The following CTBP2 variants were observed in gnomAD, a reference collection of about 807,000 sequenced individuals.
The protein encoded by CTBP2 is C-terminal binding protein 2.
A neutral mutation model predicts 80.3 loss-of-function variants in CTBP2; 30 were observed. That is an observed-to-expected ratio of 0.37 (90% CI 0.28 to 0.51). The LOEUF (loss-of-function observed/expected upper bound fraction) is 0.51, where lower values mean the gene tolerates loss of function less well. CTBP2 is among the 20% of genes least tolerant of loss of function. The pLI is 0.93. For synonymous variants in CTBP2, 594 were observed against 587.4 expected (o/e 1.01, Z -0.16); for missense variants, 1,212 against 1,375.3 (o/e 0.88, Z 1.88).
chr10:125,012,382 T>C (rs1956033042), intron 1 of CTBP2, among the ~76,000 whole-genome samples: 1 of 152,176 alleles, frequency 6.6e-6, no homozygotes, highest in Non-Finnish European at 1.5e-5. Context: ...CAGGATCTCA[T>C]GCACAGGATA....
intron 2 of CTBP2, among the ~76,000 whole-genome samples, chr10:125,067,434 T>C (rs1234969559): frequency 6.6e-6 from 1 of 152,164 alleles, no homozygotes; most frequent in Non-Finnish European, 1.5e-5. Flanking sequence ...TTTTAATAAA[T>C]GTCTCATACT....
intron 1 of CTBP2, among the ~76,000 whole-genome samples, chr10:125,135,071 C>G (rs982360510): frequency 2.6e-5 from 4 of 152,196 alleles, no homozygotes; most frequent in African/African-American, 7.2e-5. Flanking sequence ...TGCGCCCCCA[C>G]TCGCTGCGCT....
intron 1 of CTBP2, among the ~76,000 whole-genome samples, chr10:125,129,052 C>T (rs1348394106): frequency 6.6e-6 from 1 of 152,010 alleles, no homozygotes. Context: ...AAGCTTCATG[C>T]AAAAAGGTAC....
chr10:125,039,479 A>C (rs911950641), intron 2 of CTBP2, among the ~76,000 whole-genome samples: 2 of 152,220 alleles, frequency 1.3e-5, no homozygotes, highest in African/African-American at 4.8e-5. Flanking sequence ...AAGTGTAATA[A>C]ATTATATTCC....
At chr10:125,151,414 G>A (rs1201007905) in intron 1 of CTBP2, among the ~76,000 whole-genome samples, 1 of 152,182 alleles carries the variant, frequency 6.6e-6, no homozygotes, top group African/African-American at 2.4e-5. Flanking sequence ...GGCCCTCGCT[G>A]TTTCCCACAG....
chr10:125,149,747 T>C (rs908986431), intron 1 of CTBP2, among the ~76,000 whole-genome samples: 2 of 152,226 alleles, frequency 1.3e-5, no homozygotes, highest in African/African-American at 4.8e-5. Context: ...TGTGGGGACC[T>C]TACCCTCTAT....
intron 1 of CTBP2, among the ~76,000 whole-genome samples, chr10:125,121,589 T>C (rs891267736): frequency 2.0e-5 from 3 of 152,290 alleles, no homozygotes; most frequent in African/African-American, 7.2e-5. Flanking sequence ...AAATAGCATA[T>C]GAAGAAACTC....
chr10:125,150,564 A>G (rs1220093103), intron 1 of CTBP2, among the ~76,000 whole-genome samples: 1 of 151,986 alleles, frequency 6.6e-6, no homozygotes, highest in Non-Finnish European at 1.5e-5. Flanking sequence ...AGCCAGGCGA[A>G]GTTGGTAGTA....
intron 1 of CTBP2, among the ~76,000 whole-genome samples, chr10:125,138,626 T>C (rs1287252127): frequency 1.3e-5 from 2 of 148,820 alleles, no homozygotes; most frequent in African/African-American, 5.0e-5. Context: ...GAAAGGGTAA[T>C]TACCATAACC....
upstream of CTBP2, chr10:125,161,067 T>TG (rs574348922): frequency 0.048 from 5,182 of 107,658 alleles, 204 homozygotes; most frequent in East Asian, 0.092. Flanking sequence ...CTCCTGTTTT[T>TG]GGGGGGGGGG....
At chr10:125,133,731 G>A (rs1856540367) in intron 1 of CTBP2, 1 of 152,122 alleles carries the variant, frequency 6.6e-6, no homozygotes, top group Non-Finnish European at 1.5e-5. Flanking sequence ...TTTTTGCCTT[G>A]GAAATAATAA....
At chr10:125,078,673 A>G (rs1846677447) in intron 2 of CTBP2, among the ~76,000 whole-genome samples, 1 of 152,152 alleles carries the variant, frequency 6.6e-6, no homozygotes, top group South Asian at 2.1e-4. Context: ...AGGCGGAGCA[A>G]TCACCGGATC....
intron 2 of CTBP2, among the ~76,000 whole-genome samples, chr10:125,087,314 C>T (rs1174590821): frequency 6.6e-6 from 1 of 151,990 alleles, no homozygotes; most frequent in Non-Finnish European, 1.5e-5. Flanking sequence ...TCAGGTGATT[C>T]GCCCACCTCC....
chr10:124,985,061 C>G lies in CTBP2; in HGVS notation c.*4457G>C, dbSNP rs887694348. On this transcript the variant is annotated 3_prime_UTR_variant, in exon 9 of 9. Transcript: ENST00000309035. ...ATGACCCTAAAGTTAGTGTGGTGCTCCAAGCAGAGTCGACATCATGGAATG... is the reference window on the plus strand; with the variant it reads ...ATGACCCTAAAGTTAGTGTGGTGCTGCAAGCAGAGTCGACATCATGGAATG... 23 of 1,268,728 alleles carry G rather than the reference C, an allele frequency of 1.8e-5. No homozygotes were observed. The highest frequency in any genetic ancestry group is 8.4e-5 in the Admixed American group (4 of 47,542). The allele number at this position is 1,268,728 out of a possible 1,614,324, so 78.6% of individuals were successfully genotyped here.
At position 125,027,336 on chromosome 10, in the gene CTBP2, G is replaced by A; in HGVS notation, c.424C>T (p.Leu142Phe). 6.2e-7 allele frequency: 1 copy of A among 1,613,676 alleles called. No homozygotes were observed. The highest frequency in any genetic ancestry group is 8.5e-7 in the Non-Finnish European group (1 of 1,180,002). ...GGATCCCATGACGTTCTGCTGCCAA[G>A]CACTCCGTAGCTGGGGACCGGCCGG... The change falls in exon 1 of 9, where the codon CTT (leucine) becomes TTT (phenylalanine). Residue 142 changes from leucine (L) to phenylalanine (F), a missense_variant. By Grantham distance (22) the Leu-to-Phe change is conservative. Transcript: ENST00000309035.
intron 2 of CTBP2, among the ~76,000 whole-genome samples, chr10:125,085,110 C>T (rs1051822445): frequency 3.3e-5 from 5 of 152,202 alleles, no homozygotes; most frequent in African/African-American, 4.8e-5. Flanking sequence ...TCAACCCTCA[C>T]GTCACCACCC....
At chr10:125,146,281 GA>G (rs1472264037) in intron 1 of CTBP2, among the ~76,000 whole-genome samples, 11 of 122,354 alleles carry the variant, frequency 9.0e-5, no homozygotes, top group Non-Finnish European at 2.0e-4. Flanking sequence ...CCCTAAGTGA[GA>G]TTTTTTTTTT....
intron 5 of CTBP2, 150 bp downstream of exon 7, chr10:124,994,319 T>G: frequency 1.2e-6 from 1 of 807,176 alleles, no homozygotes. Flanking sequence ...GGGCTTCACG[T>G]GGCTTGTCAC....
intron 2 of CTBP2, among the ~76,000 whole-genome samples, chr10:125,050,530 C>T (rs143589927): frequency 2.0e-5 from 3 of 152,304 alleles, no homozygotes; most frequent in South Asian, 2.1e-4. Context: ...GCGGGCGTCT[C>T]GCAGAGTCTG....
Sources: gnomAD v4.1 joint callset for allele counts (sites outside exome capture counted in the v4.1 genomes callset) on GRCh38, gnomAD v4.1.1 for gene constraint, MANE v1.5 for transcripts, NCBI Gene and HGNC (gene_info 2026-07-23, HGNC 2026-07-21) for gene names.